Variants in ADK observed in about 807,000 individuals in gnomAD.
ADK encodes the protein adenosine kinase.
In ADK, 24 loss-of-function variants were observed where a neutral mutation model predicts 44.7. That is an observed-to-expected ratio of 0.54 (90% CI 0.39 to 0.76). The LOEUF is 0.76. Ranked by LOEUF, ADK falls within the 30% of genes least tolerant of loss-of-function variation. The pLI, the probability that ADK is intolerant of heterozygous loss-of-function variation, is 0.00. For missense variants in ADK, 321 were observed against 425.1 expected, an observed-to-expected ratio of 0.76 and a Z score of 2.15; for synonymous variants, 128 against 142.6, an observed-to-expected ratio of 0.90 and a Z score of 0.73.
At chr10:74,513,816 T>C (rs1458623839) in intron 6 of ADK, among the ~76,000 whole-genome samples, 3 of 152,206 alleles carry the variant, frequency 2.0e-5, no homozygotes, top group Non-Finnish European at 4.4e-5. Flanking sequence ...CATTACTTTC[T>C]CTCAGTGTTA....
At chr10:74,205,146 C>G (rs900797042) in intron 2 of ADK, among the ~76,000 whole-genome samples, 1 of 150,588 alleles carries the variant, frequency 6.6e-6, no homozygotes, top group Non-Finnish European at 1.5e-5. Flanking sequence ...TTATGGAGAA[C>G]GAGATTACTG....
intron 9 of ADK, among the ~76,000 whole-genome samples, chr10:74,640,293 T>C (rs1853795085): frequency 6.6e-6 from 1 of 151,752 alleles, no homozygotes; most frequent in Non-Finnish European, 1.5e-5. Context: ...ACTGGTGCAC[T>C]CCTGGGACCT....
At chr10:74,547,598 C>T (rs1849882776) in intron 7 of ADK, among the ~76,000 whole-genome samples, 1 of 151,034 alleles carries the variant, frequency 6.6e-6, no homozygotes, top group African/African-American at 2.4e-5. Context: ...TCTCCTGCCT[C>T]AGCCTCCCAA....
At chr10:74,239,587 C>T (rs565356807) in intron 3 of ADK, among the ~76,000 whole-genome samples, 153 of 151,824 alleles carry the variant, frequency 1.0e-3, no homozygotes, top group Non-Finnish European at 1.5e-3. Context: ...GTGGTGTGTA[C>T]CTCTGGTACT....
At chr10:74,606,159 GTCTA>G (rs1319615266) in intron 9 of ADK, among the ~76,000 whole-genome samples, 2 of 152,058 alleles carry the variant, frequency 1.3e-5, no homozygotes, top group African/African-American at 4.8e-5. Context: ...CTAGCTAGCA[GTCTA>G]TCTATTTTGT....
chr10:74,320,495 G>T (rs1840771665), intron 4 of ADK, among the ~76,000 whole-genome samples: 1 of 152,078 alleles, frequency 6.6e-6, no homozygotes, highest in African/African-American at 2.4e-5. Flanking sequence ...TCAAGTTCAT[G>T]CTTGGATGTG....
At chr10:74,245,069 C>T (rs1349343243) in intron 3 of ADK, among the ~76,000 whole-genome samples, 2 of 152,124 alleles carry the variant, frequency 1.3e-5, no homozygotes, top group Non-Finnish European at 2.9e-5. Flanking sequence ...AAGTATTTGC[C>T]AAAGTCATCA....
intron 9 of ADK, among the ~76,000 whole-genome samples, chr10:74,628,290 A>G (rs868164119): frequency 2.6e-5 from 4 of 151,976 alleles, no homozygotes; most frequent in African/African-American, 9.7e-5. Flanking sequence ...TGAGGTGATC[A>G]TTTCTCCTCA....
intron 6 of ADK, among the ~76,000 whole-genome samples, chr10:74,488,374 CGTG>C (rs935394038): frequency 2.3e-4 from 32 of 140,870 alleles, no homozygotes; most frequent in African/African-American, 7.5e-4. Flanking sequence ...GGAAAAAAGA[CGTG>C]TGTGTGTGTG....
intron 4 of ADK, among the ~76,000 whole-genome samples, chr10:74,347,921 G>C (rs1371197764): frequency 6.6e-6 from 1 of 152,130 alleles, no homozygotes; most frequent in Non-Finnish European, 1.5e-5. Flanking sequence ...CCTAGTCAGG[G>C]GCTTATGGAT....
intron 7 of ADK, among the ~76,000 whole-genome samples, chr10:74,564,721 T>C (rs1023953158): frequency 4.6e-5 from 7 of 152,228 alleles, no homozygotes; most frequent in Admixed American, 2.0e-4. Context: ...TTTAATCTTA[T>C]TTTTCTTAAA....
chr10:74,536,857 A>G (rs1028997647), intron 7 of ADK, among the ~76,000 whole-genome samples: 29 of 152,148 alleles, frequency 1.9e-4, no homozygotes, highest in African/African-American at 6.8e-4. Context: ...GCTGAATAAT[A>G]TTTCATTGTA....
At chr10:74,480,124 A>G (rs145689821) in intron 6 of ADK, among the ~76,000 whole-genome samples, 1 of 152,108 alleles carries the variant, frequency 6.6e-6, no homozygotes, top group African/African-American at 2.4e-5. Context: ...CTGCATATAA[A>G]ATCCTTGACT....
chr10:74,448,071 G>T (rs2133172922), intron 6 of ADK, among the ~76,000 whole-genome samples: 1 of 152,266 alleles, frequency 6.6e-6, no homozygotes, highest in African/African-American at 2.4e-5. Context: ...TATTTGGAAG[G>T]TTGAGGCAGG....
rs182029993 is a variant in ADK at position 74,490,041 on chromosome 10, A to C, written c.556-35215A>C. Among the ~76,000 whole-genome samples, 77 of 152,092 alleles carry C rather than the reference A, an allele frequency of 5.1e-4. 1 individual carries two copies. The highest frequency in any genetic ancestry group is 2.9e-5 in the Non-Finnish European group (2 of 67,876). ...TGAGCCCATCATTTGAAAGCATTGG[A>C]GCATGTAACCAATATTTCTGAAAAT... On this transcript the variant is annotated intron_variant, in intron 6 of 10. Coordinates refer to ENST00000539909, the MANE Select transcript of ADK (RefSeq NM_006721.4).
chr10:74,200,861 G>A (rs1173400785), intron 2 of ADK, 23 bp downstream of exon 2: 4 of 1,431,246 alleles, frequency 2.8e-6, no homozygotes, highest in Non-Finnish European at 9.9e-7. Flanking sequence ...CTCTTCATAT[G>A]CACTATGTGG....
At chr10:74,623,194 G>A (rs1254213642) in intron 9 of ADK, among the ~76,000 whole-genome samples, 1 of 152,060 alleles carries the variant, frequency 6.6e-6, no homozygotes, top group Non-Finnish European at 1.5e-5. Flanking sequence ...CTGGCATTTT[G>A]TGGGTAAAAG....
chr10:74,546,685 G>A (rs970364810), intron 7 of ADK, among the ~76,000 whole-genome samples: 2 of 152,034 alleles, frequency 1.3e-5, no homozygotes, highest in South Asian at 2.1e-4. Context: ...TTCATTTTTG[G>A]TACCTCTTAG....
chr10:74,457,532 G>A (rs897158461), intron 6 of ADK, among the ~76,000 whole-genome samples: 3 of 152,156 alleles, frequency 2.0e-5, no homozygotes, highest in Non-Finnish European at 4.4e-5. Flanking sequence ...TATACCCAAA[G>A]GATTATAAAT....
Sources: allele counts gnomAD v4.1 joint callset (sites outside exome capture counted in the v4.1 genomes callset), GRCh38; gene constraint gnomAD v4.1.1; transcripts MANE v1.5; gene names NCBI Gene and HGNC (gene_info 2026-07-23, HGNC 2026-07-21).